Variants in HDAC9 observed in about 807,000 individuals in gnomAD.
The protein encoded by HDAC9 is MEF-2 interacting transcription repressor (MITR) protein.
Under a neutral mutation model 139.4 loss-of-function variants are expected in HDAC9, and 41 were observed. The observed-to-expected ratio is 0.29, with a 90% CI of 0.23 to 0.38. HDAC9 has a LOEUF of 0.38. HDAC9 is among the 10% of genes least tolerant of loss of function. The pLI, the probability that HDAC9 is intolerant of heterozygous loss-of-function variation, is 1.00. For synonymous variants in HDAC9, 517 were observed against 476.2 expected (o/e 1.09, Z -1.12); for missense variants, 1,147 against 1,297.0 (o/e 0.88, Z 1.78).
At chr7:18,480,719 G>A (rs1273740486) in intron 1 of HDAC9, among the ~76,000 whole-genome samples, 1 of 152,128 alleles carries the variant, frequency 6.6e-6, no homozygotes, top group East Asian at 1.9e-4. Flanking sequence ...TGGTACATAG[G>A]TGATAATGAG....
intron 1 of HDAC9, among the ~76,000 whole-genome samples, chr7:18,381,023 C>A (rs1322213066): frequency 1.3e-5 from 2 of 151,370 alleles, no homozygotes; most frequent in Non-Finnish European, 2.9e-5. Context: ...CATGGAGAAA[C>A]CCCATGTTTA....
chr7:18,662,766 C>T (rs540339376), intron 11 of HDAC9, among the ~76,000 whole-genome samples: 86 of 151,970 alleles, frequency 5.7e-4, no homozygotes, highest in African/African-American at 1.9e-3. Context: ...GGAGGTAGTA[C>T]GAGACGGTGA....
intron 8 of HDAC9, among the ~76,000 whole-genome samples, chr7:18,640,643 T>C (rs1785299995): frequency 6.6e-6 from 1 of 151,998 alleles, no homozygotes; most frequent in Non-Finnish European, 1.5e-5. Flanking sequence ...ACATCATATA[T>C]ATTTTTTACT....
At chr7:18,790,180 A>C (rs191279614) in intron 16 of HDAC9, among the ~76,000 whole-genome samples, 267 of 152,276 alleles carry the variant, frequency 1.8e-3, no homozygotes, top group African/African-American at 6.0e-3. Context: ...ATGCCTTAGG[A>C]AAGTATGCTT....
At chr7:18,162,168 CT>C in intron 1 of HDAC9, 1 of 650,968 alleles carries the variant, frequency 1.5e-6, no homozygotes. Flanking sequence ...CTCTGTGTTT[CT>C]TTTTCAGTGT....
chr7:18,907,815 T>C (rs1410330612), intron 22 of HDAC9, among the ~76,000 whole-genome samples: 2 of 152,192 alleles, frequency 1.3e-5, no homozygotes, highest in Non-Finnish European at 2.9e-5. Context: ...GAATGTCTGG[T>C]CATTTGTAGC....
chr7:18,454,813 T>C (rs1793198426), intron 1 of HDAC9, among the ~76,000 whole-genome samples: 1 of 152,058 alleles, frequency 6.6e-6, no homozygotes, highest in Admixed American at 6.6e-5. Flanking sequence ...GTTCTAATTA[T>C]GGGGTTAAAT....
rs1280358641 is a variant in HDAC9, at chr7:18,260,316, T to G, written c.25+97967T>G. Among the ~76,000 whole-genome samples the G allele has an allele frequency of 3.8e-5, 5 of 132,954 alleles. No individual in the cohort carries two copies. The South Asian group carries it at 9.8e-4, about 26-fold the overall frequency. The allele number at this position is 132,954 out of a possible 152,430, so 87.2% of individuals were successfully genotyped here. On this transcript the variant is annotated intron_variant, in intron 2 of 12. Coordinates refer to the HDAC9 transcript ENST00000417496. ...TGTGACAGACACTTTTTTTTGTTTT[T>G]TTTTTTGTTTTTTTTTTTTTTGAGA...
intron 2 of HDAC9, among the ~76,000 whole-genome samples, chr7:18,275,527 C>T (rs1055246884): frequency 2.0e-5 from 3 of 152,308 alleles, no homozygotes; most frequent in Admixed American, 6.5e-5. Context: ...GCCTCAAAGG[C>T]GCTGTGTGGT....
At chr7:18,598,212 T>A (rs1008758427) in intron 6 of HDAC9, among the ~76,000 whole-genome samples, 2 of 152,230 alleles carry the variant, frequency 1.3e-5, no homozygotes, top group Non-Finnish European at 2.9e-5. Context: ...TATACACATT[T>A]CTGCAAAGAT....
chr7:18,624,467 A>G (rs1223313399), intron 6 of HDAC9, among the ~76,000 whole-genome samples: 1 of 152,154 alleles, frequency 6.6e-6, no homozygotes, highest in Non-Finnish European at 1.5e-5. Flanking sequence ...CACACACACT[A>G]AAAAGCTTGC....
chr7:18,633,831 AAATGTTTTAAT>A (rs1783053272), intron 7 of HDAC9, among the ~76,000 whole-genome samples: 1 of 152,124 alleles, frequency 6.6e-6, no homozygotes, highest in Admixed American at 6.6e-5. Context: ...ATTTTTGATT[AAATGTTTTAAT>A]AAATGCATTA....
Position 18,975,661 on chromosome 7 carries a change from A to G in HDAC9, c.3023-145A>G, listed in dbSNP as rs985868598. The G allele has an allele frequency of 2.4e-5, 18 of 735,708 alleles. No individual in the cohort carries two copies. In the African/African-American group the frequency reaches 2.5e-4, roughly 10 times the overall value. 45.6% of individuals were successfully genotyped at this position (735,708 alleles called of 1,614,324 possible). ...CTTATATTGAGAAAAAGACCCAATC[A>G]TAACAGTTAAGAAACCAAATTACAA... On this transcript the variant is annotated intron_variant, in intron 24 of 25. Coordinates refer to ENST00000686413, the MANE Select transcript of HDAC9 (RefSeq NM_178425.4).
intron 2 of HDAC9, among the ~76,000 whole-genome samples, chr7:18,209,660 T>C (rs1236459123): frequency 6.6e-6 from 1 of 152,114 alleles, no homozygotes; most frequent in Non-Finnish European, 1.5e-5. Context: ...GGTTGGAGCT[T>C]AATAAAAAAG....
At chr7:18,255,116 A>G (rs534853176) in intron 2 of HDAC9, among the ~76,000 whole-genome samples, 2 of 152,302 alleles carry the variant, frequency 1.3e-5, no homozygotes, top group South Asian at 4.1e-4. Flanking sequence ...TATTCATTTA[A>G]TAGACATTTA....
At chr7:18,824,452 AT>A (rs1795259350) in intron 17 of HDAC9, among the ~76,000 whole-genome samples, 2 of 152,220 alleles carry the variant, frequency 1.3e-5, no homozygotes, top group Non-Finnish European at 2.9e-5. Flanking sequence ...GGTGGGGGTG[AT>A]TGATGGATAA....
intron 23 of HDAC9, among the ~76,000 whole-genome samples, chr7:18,936,435 T>A (rs1781638604): frequency 6.6e-6 from 1 of 152,198 alleles, no homozygotes; most frequent in Non-Finnish European, 1.5e-5. Flanking sequence ...GCAGTCAGAA[T>A]GCATTATAAG....
chr7:18,239,242 A>G (rs1055182788), intron 2 of HDAC9, among the ~76,000 whole-genome samples: 1 of 152,182 alleles, frequency 6.6e-6, no homozygotes, highest in Admixed American at 6.5e-5. Context: ...TCCTTTTAAA[A>G]TAGTTTAAAC....
intron 1 of HDAC9, among the ~76,000 whole-genome samples, chr7:18,131,365 T>C (rs1278319052): frequency 6.6e-6 from 1 of 152,164 alleles, no homozygotes; most frequent in East Asian, 1.9e-4. Context: ...TGGGTAGATA[T>C]CTGCAGTCTG....
Sources: allele counts gnomAD v4.1 joint callset (sites outside exome capture counted in the v4.1 genomes callset), GRCh38; gene constraint gnomAD v4.1.1; transcripts MANE v1.5; gene names NCBI Gene and HGNC (gene_info 2026-07-23, HGNC 2026-07-21).